Variants in PEBP4 observed in about 807,000 individuals in gnomAD.
PEBP4 encodes phosphatidylethanolamine binding protein 4.
In PEBP4, 22 loss-of-function variants were observed where a neutral mutation model predicts 23.9. The ratio of observed to expected loss-of-function variants is 0.92; its 90% CI spans 0.66 to 1.31. The LOEUF (loss-of-function observed/expected upper bound fraction) is 1.31, where lower values mean the gene tolerates loss of function less well. Among genes scored for constraint, PEBP4 ranks in the 40% most tolerant of loss-of-function variants. PEBP4 has a pLI of 0.00. For synonymous variants in PEBP4, 112 were observed against 99.3 expected (o/e 1.13, Z -0.76); for missense variants, 324 against 281.7 (o/e 1.15, Z -1.07).
At chr8:22,801,842 A>G (rs1466847539) in intron 4 of PEBP4, among the ~76,000 whole-genome samples, 1 of 152,106 alleles carries the variant, frequency 6.6e-6, no homozygotes, top group Non-Finnish European at 1.5e-5. Context: ...AATCTTGTGA[A>G]AACTCCACCA....
At chr8:22,772,690 G>T (rs139329630) in intron 4 of PEBP4, among the ~76,000 whole-genome samples, 1 of 152,068 alleles carries the variant, frequency 6.6e-6, no homozygotes, top group Non-Finnish European at 1.5e-5. Flanking sequence ...GTGCCTCTGC[G>T]CAGGCCACAG....
chr8:22,811,126 A>C (rs1393262904), intron 4 of PEBP4, among the ~76,000 whole-genome samples: 3 of 152,158 alleles, frequency 2.0e-5, no homozygotes, highest in African/African-American at 7.2e-5. Context: ...GCACTACAGT[A>C]TGTATGGGAT....
intron 3 of PEBP4, among the ~76,000 whole-genome samples, chr8:22,899,660 T>C (rs955659331): frequency 1.3e-5 from 2 of 152,200 alleles, no homozygotes; most frequent in African/African-American, 4.8e-5. Context: ...CTGGCTACTT[T>C]TTCCCTAGCC....
intron 4 of PEBP4, among the ~76,000 whole-genome samples, chr8:22,766,387 G>A (rs373765452): frequency 6.6e-6 from 1 of 152,254 alleles, no homozygotes; most frequent in African/African-American, 2.4e-5. Flanking sequence ...GCCCCTTGGC[G>A]ATAACATAAC....
At chr8:22,816,979 C>A (rs906533132) in intron 4 of PEBP4, among the ~76,000 whole-genome samples, 2 of 152,192 alleles carry the variant, frequency 1.3e-5, no homozygotes, top group African/African-American at 4.8e-5. Flanking sequence ...CTCAGAGTAT[C>A]CAAAACTTGT....
chr8:22,716,654 C>T (rs1262786467), intron 6 of PEBP4, among the ~76,000 whole-genome samples: 1 of 152,234 alleles, frequency 6.6e-6, no homozygotes, highest in Admixed American at 6.5e-5. Flanking sequence ...TGGTTTGTCA[C>T]GTGCTGGACA....
intron 3 of PEBP4, among the ~76,000 whole-genome samples, chr8:22,827,289 T>C (rs986997859): frequency 2.0e-4 from 31 of 152,308 alleles, no homozygotes; most frequent in Admixed American, 1.8e-3. Flanking sequence ...ATTTCAATGA[T>C]TTTTAAAAAA....
At position 22,865,504 on chromosome 8, in the gene PEBP4, A is replaced by G. The variant is rs1013000343; in HGVS notation, c.259-47769T>C. On this transcript the variant is annotated intron_variant, in intron 3 of 6. Transcript: ENST00000256404. The surrounding 1 kb of genome is among the most constrained non-coding windows in gnomAD (Gnocchi z 6.9). ...ACCGCCCCCCCGGCCGCGCAGCGAG[A>G]AGGAGCCTCGGGGAAGAGCTAAAAA... 6.6e-6 allele frequency among the ~76,000 whole-genome samples: 1 copy of G among 151,626 alleles called. No individual in the cohort carries two copies. The highest frequency in any genetic ancestry group is 2.0e-4 in the East Asian group (1 of 5,088).
chr8:22,888,737 G>A (rs1194040400), intron 3 of PEBP4, among the ~76,000 whole-genome samples: 1 of 152,236 alleles, frequency 6.6e-6, no homozygotes, highest in Admixed American at 6.5e-5. Context: ...AAATCTCAGT[G>A]TTCTGGGCCT....
intron 4 of PEBP4, among the ~76,000 whole-genome samples, chr8:22,742,602 T>C (rs544895888): frequency 5.9e-5 from 9 of 152,284 alleles, no homozygotes; most frequent in African/African-American, 1.4e-4. Flanking sequence ...GTGGGATTCA[T>C]GTGAAGGGAT....
intron 4 of PEBP4, among the ~76,000 whole-genome samples, chr8:22,760,609 G>A (rs539997991): frequency 6.6e-6 from 1 of 152,186 alleles, no homozygotes; most frequent in Admixed American, 6.5e-5. Context: ...GTGTGTGGTG[G>A]GTGCAGGGAG....
At chr8:22,792,805 G>A (rs967164857) in intron 4 of PEBP4, among the ~76,000 whole-genome samples, 4 of 143,374 alleles carry the variant, frequency 2.8e-5, no homozygotes, top group Non-Finnish European at 6.0e-5. Flanking sequence ...TGTCAGAGGT[G>A]TGTACAGGGT....
intron 4 of PEBP4, among the ~76,000 whole-genome samples, chr8:22,783,087 C>T (rs991104960): frequency 2.0e-5 from 3 of 152,198 alleles, no homozygotes; most frequent in Non-Finnish European, 4.4e-5. Context: ...GGTAGGGCTC[C>T]TGAGGTTTGG....
intron 4 of PEBP4, among the ~76,000 whole-genome samples, chr8:22,814,205 C>G (rs1449200322): frequency 6.6e-6 from 1 of 152,212 alleles, no homozygotes; most frequent in Admixed American, 6.5e-5. Context: ...GGTTGAGCAA[C>G]TAGCCCAAGA....
chr8:22,911,726 C>G (rs1041435610), intron 3 of PEBP4, among the ~76,000 whole-genome samples: 2 of 151,956 alleles, frequency 1.3e-5, no homozygotes, highest in African/African-American at 4.8e-5. Context: ...CCGCTGTGAA[C>G]AGATCCCAAA....
At chr8:22,860,116 CAAAAAAAAA>C (rs61162189) in intron 3 of PEBP4, among the ~76,000 whole-genome samples, 4 of 91,084 alleles carry the variant, frequency 4.4e-5, no homozygotes, top group Non-Finnish European at 8.4e-5. Flanking sequence ...GACTCCGTCT[CAAAAAAAAA>C]AAAAAAAGAA....
At chr8:22,911,869 G>GC (rs1309077126) in intron 3 of PEBP4, among the ~76,000 whole-genome samples, 2 of 152,176 alleles carry the variant, frequency 1.3e-5, no homozygotes, top group Non-Finnish European at 2.9e-5. Flanking sequence ...AGCGCACACA[G>GC]TTTTTTTCAA....
intron 3 of PEBP4, among the ~76,000 whole-genome samples, chr8:22,903,563 C>T (rs886732846): frequency 5.9e-5 from 9 of 152,168 alleles, no homozygotes; most frequent in African/African-American, 9.7e-5. Context: ...AAGGGTTAAA[C>T]CCCCAAGTGT....
intron 3 of PEBP4, among the ~76,000 whole-genome samples, chr8:22,871,882 C>G (rs898925264): frequency 1.3e-5 from 2 of 152,028 alleles, no homozygotes; most frequent in African/African-American, 2.4e-5. Context: ...CACCTGTCAC[C>G]CAAGTAGTGT....
Sources: gnomAD v4.1 joint callset for allele counts (sites outside exome capture counted in the v4.1 genomes callset) on GRCh38, gnomAD v4.1.1 for gene constraint, Gnocchi (gnomAD v3.1) non-coding constraint, MANE v1.5 for transcripts, NCBI Gene and HGNC (gene_info 2026-07-23, HGNC 2026-07-21) for gene names.